Variants in HS3ST3B1 observed in about 807,000 individuals in gnomAD.
HS3ST3B1 encodes the protein heparan sulfate glucosamine 3-O-sulfotransferase 3B1.
In HS3ST3B1, 13 loss-of-function variants were observed where a neutral mutation model predicts 21.3. The ratio of observed to expected loss-of-function variants is 0.61; its 90% CI spans 0.40 to 0.97. The LOEUF (loss-of-function observed/expected upper bound fraction) is 0.97, where lower values mean the gene tolerates loss of function less well. Ranked by LOEUF, HS3ST3B1 falls within the 50% of genes least tolerant of loss-of-function variation. The probability of loss-of-function intolerance (pLI) is 0.00; values close to 1 mark genes in which losing one functional copy is unlikely to be tolerated. For missense variants in HS3ST3B1, 459 were observed against 554.8 expected (o/e 0.83, Z 1.73); for synonymous variants, 234 against 254.8 (o/e 0.92, Z 0.78).
intron 1 of HS3ST3B1, among the ~76,000 whole-genome samples, chr17:14,321,867 G>T (rs770917639): frequency 6.6e-6 from 1 of 151,994 alleles, no homozygotes; most frequent in Admixed American, 6.5e-5. Context: ...GCATTAGTGC[G>T]GAAGTGCAAA....
At chr17:14,323,953 G>T (rs1382270669) in intron 1 of HS3ST3B1, among the ~76,000 whole-genome samples, 6 of 152,208 alleles carry the variant, frequency 3.9e-5, no homozygotes, top group Admixed American at 1.3e-4. Context: ...CAGCTTAAAG[G>T]TCTTTATTTG....
intron 1 of HS3ST3B1, among the ~76,000 whole-genome samples, chr17:14,308,734 G>A (rs1392886039): frequency 6.6e-6 from 1 of 152,314 alleles, no homozygotes; most frequent in South Asian, 2.1e-4. Flanking sequence ...TTGTGTTTCA[G>A]CCCAGACTCT....
chr17:14,333,467 C>CA lies in HS3ST3B1; in HGVS notation c.555-11551dup, dbSNP rs951066194. Among the ~76,000 whole-genome samples the CA allele has an allele frequency of 5.0e-3, 638 of 128,874 alleles. 3 individuals are homozygous for CA. Among genetic ancestry groups the CA allele is most frequent in the African/African-American group, 0.017 (582 of 34,334 alleles). The allele number at this position is 128,874 out of a possible 152,430, so 84.5% of individuals were successfully genotyped here. A position where few individuals can be genotyped will look rare whatever the true frequency, so the allele number is the denominator to read the frequency against. On this transcript the variant is annotated intron_variant, in intron 1 of 1. Transcript: ENST00000360954. ...TGGGTGACCGAGTGAGACTCCGACT[C>CA]AAAAAAAAAACAACAAAAAAAAACA...
At chr17:14,343,902 T>TTA (rs1555550397) in intron 1 of HS3ST3B1, among the ~76,000 whole-genome samples, 2 of 151,592 alleles carry the variant, frequency 1.3e-5, no homozygotes, top group Admixed American at 1.3e-4. Flanking sequence ...TCTTTCTTTT[T>TTA]TTTTTTTTTC....
rs771179509 is a variant in HS3ST3B1 at position 14,303,415 on chromosome 17, T to C, written c.554+1343T>C. Among the ~76,000 whole-genome samples, 1 of 152,152 alleles carries C rather than the reference T, an allele frequency of 6.6e-6. No individual in the cohort carries two copies. Among genetic ancestry groups the C allele is most frequent in the Non-Finnish European group, 1.5e-5 (1 of 68,016 alleles). On this transcript the variant is annotated intron_variant, in intron 1 of 1. Transcript: ENST00000360954. The surrounding 1 kb of genome is among the most constrained non-coding windows in gnomAD (Gnocchi z 5.7). ...GCCTCGTCCTACCCCTTCCCCTTTG[T>C]CCTTAATGGTTTTTTATTATTGTCA...
chr17:14,342,344 G>A (rs897658028), intron 1 of HS3ST3B1, among the ~76,000 whole-genome samples: 1 of 152,108 alleles, frequency 6.6e-6, no homozygotes, highest in Non-Finnish European at 1.5e-5. Flanking sequence ...CTCTAACATG[G>A]TATCTAGAAT....
intron 1 of HS3ST3B1, among the ~76,000 whole-genome samples, chr17:14,310,311 C>T (rs1909266914): frequency 1.3e-5 from 2 of 152,248 alleles, no homozygotes; most frequent in East Asian, 1.9e-4. Flanking sequence ...GTCCTGTGCA[C>T]AGAGCCCTGT....
Position 14,347,518 on chromosome 17 carries a change from G to A in HS3ST3B1, c.*1872G>A, listed in dbSNP as rs552582231. 1 of 152,286 alleles carries A rather than the reference G, an allele frequency of 6.6e-6. No individual in the cohort carries two copies. Among genetic ancestry groups the A allele is most frequent in the African/African-American group, 2.4e-5 (1 of 41,560 alleles). The allele number at this position is 152,286 out of a possible 1,614,324, so 9.4% of individuals were successfully genotyped here. On this transcript the variant is annotated 3_prime_UTR_variant, in exon 2 of 2. Coordinates refer to ENST00000360954, the MANE Select transcript of HS3ST3B1 (RefSeq NM_006041.3). ...ACATATTGTCAAAATGGTTGGGATG[G>A]GATAGTTACAAAGGACACTTTTGTA...
rs1426573034 is a variant in HS3ST3B1, at chr17:14,303,599, T to A, written c.554+1527T>A. On this transcript the variant is annotated intron_variant, in intron 1 of 1. Transcript: ENST00000360954. The surrounding 1 kb of genome is among the most constrained non-coding windows in gnomAD (Gnocchi z 5.7). ...TGGCTAGTCGCGTGAACCTTGGTGC[T>A]CTCATCTGTGCAGTGGGAATAATGC... is the stretch of plus-strand genomic sequence containing the variant. Among the ~76,000 whole-genome samples the A allele has an allele frequency of 6.6e-6, 1 of 152,138 alleles. No homozygotes were observed. The highest frequency in any genetic ancestry group is 2.4e-5 in the African/African-American group (1 of 41,436).
chr17:14,320,405 G>T (rs190505443), intron 1 of HS3ST3B1, among the ~76,000 whole-genome samples: 118 of 152,192 alleles, frequency 7.8e-4, no homozygotes, highest in African/African-American at 2.8e-3. Flanking sequence ...AGGCAAGGAG[G>T]TTCCTAGGAA....
chr17:14,327,935 AGTCACAGG>A (rs1425828939), intron 1 of HS3ST3B1: 2 of 152,344 alleles, frequency 1.3e-5, no homozygotes, highest in Non-Finnish European at 2.9e-5. Flanking sequence ...GCTTAAAAAT[AGTCACAGG>A]GTCAGTTTTT....
At chr17:14,324,406 C>T (rs1270440258) in intron 1 of HS3ST3B1, among the ~76,000 whole-genome samples, 6 of 152,142 alleles carry the variant, frequency 3.9e-5, no homozygotes, top group South Asian at 2.1e-4. Flanking sequence ...TCCTTTAAAA[C>T]GTTTGTTTGT....
intron 1 of HS3ST3B1, among the ~76,000 whole-genome samples, chr17:14,344,723 G>A (rs1175487785): frequency 6.6e-6 from 1 of 152,138 alleles, no homozygotes; most frequent in African/African-American, 2.4e-5. Flanking sequence ...GATGCTTGGG[G>A]CAATCTGAAA....
At chr17:14,311,488 T>G (rs1909304207) in intron 1 of HS3ST3B1, among the ~76,000 whole-genome samples, 1 of 151,904 alleles carries the variant, frequency 6.6e-6, no homozygotes, top group Non-Finnish European at 1.5e-5. Flanking sequence ...ACTATCACCA[T>G]CCTCTACCAG....
intron 1 of HS3ST3B1, among the ~76,000 whole-genome samples, chr17:14,329,951 T>A (rs1351902693): frequency 6.6e-6 from 1 of 152,250 alleles, no homozygotes; most frequent in East Asian, 1.9e-4. Context: ...TTTCAGAGTG[T>A]ATTCATCTAC....
intron 1 of HS3ST3B1, chr17:14,327,663 T>G (rs1400402892): frequency 6.6e-6 from 1 of 152,240 alleles, no homozygotes; most frequent in African/African-American, 2.4e-5. Context: ...TGCCCTTGAT[T>G]CACCCCTGAG....
chr17:14,319,937 G>A (rs1019701920), intron 1 of HS3ST3B1, among the ~76,000 whole-genome samples: 4 of 152,022 alleles, frequency 2.6e-5, no homozygotes, highest in Non-Finnish European at 5.9e-5. Flanking sequence ...CCCTCCCCCC[G>A]AGTCCCCAAA....
intron 1 of HS3ST3B1, among the ~76,000 whole-genome samples, chr17:14,334,990 T>C (rs890415451): frequency 1.3e-5 from 2 of 152,186 alleles, no homozygotes; most frequent in Non-Finnish European, 2.9e-5. Context: ...CTTGTAAAGA[T>C]TTCTCTTTGT....
chr17:14,336,371 AGATATTAGG>A (rs1298973304), intron 1 of HS3ST3B1, among the ~76,000 whole-genome samples: 1 of 152,234 alleles, frequency 6.6e-6, no homozygotes, highest in African/African-American at 2.4e-5. Context: ...AAGCAGAAGA[AGATATTAGG>A]GCAACATTTG....
Sources: allele counts gnomAD v4.1 joint callset (sites outside exome capture counted in the v4.1 genomes callset), GRCh38; gene constraint gnomAD v4.1.1; non-coding constraint Gnocchi (gnomAD v3.1); transcripts MANE v1.5; gene names NCBI Gene and HGNC (gene_info 2026-07-23, HGNC 2026-07-21).